The following STAMBPL1 variants were observed in gnomAD, a reference collection of about 807,000 sequenced individuals.
STAMBPL1 encodes AMSH-like protease.
A neutral mutation model predicts 52.9 loss-of-function variants in STAMBPL1; 44 were observed. The observed-to-expected ratio is 0.83, with a 90% CI of 0.65 to 1.07. The LOEUF is 1.07. Among genes scored for constraint, STAMBPL1 ranks in the 50% least tolerant of loss-of-function variants. The pLI, the probability that STAMBPL1 is intolerant of heterozygous loss-of-function variation, is 0.00. For missense variants in STAMBPL1, 511 were observed against 520.8 expected (o/e 0.98, Z 0.18); for synonymous variants, 164 against 177.3 (o/e 0.92, Z 0.60).
chr10:88,918,930 A>G (rs1845438347), intron 8 of STAMBPL1, among the ~76,000 whole-genome samples: 1 of 152,198 alleles, frequency 6.6e-6, no homozygotes, highest in South Asian at 2.1e-4. Context: ...TAATTCTTGA[A>G]TTTTAGGACT....
At chr10:88,908,304 A>G (rs1327483078) in intron 3 of STAMBPL1, among the ~76,000 whole-genome samples, 5 of 152,060 alleles carry the variant, frequency 3.3e-5, no homozygotes, top group African/African-American at 4.8e-5. Context: ...TGGTCGTTTG[A>G]GTTTTTTTCA....
intron 1 of STAMBPL1, among the ~76,000 whole-genome samples, chr10:88,888,674 G>T (rs1844604165): frequency 6.6e-6 from 1 of 152,156 alleles, no homozygotes; most frequent in Non-Finnish European, 1.5e-5. Flanking sequence ...CCTTAATATT[G>T]TGAGGCAAGG....
In STAMBPL1 at chr10:88,901,740, T is replaced by C; in HGVS notation, c.30+2T>C. 2 of 1,612,398 alleles carry C rather than the reference T, an allele frequency of 1.2e-6. No individual in the cohort carries two copies. Among genetic ancestry groups the C allele is most frequent in the Non-Finnish European group, 1.7e-6 (2 of 1,179,266 alleles). On this transcript the variant is annotated splice_donor_variant, in intron 2 of 10. Coordinates refer to ENST00000371926, the MANE Select transcript of STAMBPL1 (RefSeq NM_020799.4). LOFTEE classifies it high-confidence loss of function. Reference sequence around the variant, plus strand: ...CAGCCTTTTACTGTGAATTCTCTGGTAGGTCACACCAGCTGATATCTAACA... The same window carrying C: ...CAGCCTTTTACTGTGAATTCTCTGGCAGGTCACACCAGCTGATATCTAACA...
intron 1 of STAMBPL1, among the ~76,000 whole-genome samples, chr10:88,888,995 T>A (rs1844610473): frequency 6.6e-6 from 1 of 152,208 alleles, no homozygotes; most frequent in South Asian, 2.1e-4. Flanking sequence ...CCAGTATACT[T>A]AATGAATACA....
intron 1 of STAMBPL1, among the ~76,000 whole-genome samples, chr10:88,885,941 G>A (rs1207403303): frequency 6.6e-6 from 1 of 152,140 alleles, no homozygotes; most frequent in South Asian, 2.1e-4. Context: ...TCTATAGCTA[G>A]TATTGTGTTG....
At chr10:88,888,837 T>C (rs1385324570) in intron 1 of STAMBPL1, among the ~76,000 whole-genome samples, 8 of 152,188 alleles carry the variant, frequency 5.3e-5, no homozygotes, top group African/African-American at 1.9e-4. Context: ...AAGTATAATT[T>C]GTCTGATTAC....
chr10:88,912,973 A>T (rs1845264654), intron 5 of STAMBPL1, 128 bp from the exon 6 acceptor site: 3 of 775,628 alleles, frequency 3.9e-6, no homozygotes, highest in Admixed American at 4.7e-5. Context: ...CTGTTCCATG[A>T]GTGTCCCTGT....
At chr10:88,888,459 G>A (rs929781531) in intron 1 of STAMBPL1, among the ~76,000 whole-genome samples, 1 of 152,188 alleles carries the variant, frequency 6.6e-6, no homozygotes, top group South Asian at 2.1e-4. Context: ...ACAAGGGTGA[G>A]GACTTGGGGC....
intron 5 of STAMBPL1, among the ~76,000 whole-genome samples, chr10:88,911,884 G>A (rs891565440): frequency 9.9e-5 from 15 of 152,126 alleles, no homozygotes; most frequent in Admixed American, 7.9e-4. Flanking sequence ...TTCTTGGAGG[G>A]TAAGACAAAG....
intron 1 of STAMBPL1, among the ~76,000 whole-genome samples, chr10:88,889,421 T>C (rs1844622126): frequency 1.3e-5 from 2 of 152,194 alleles, no homozygotes; most frequent in Admixed American, 1.3e-4. Flanking sequence ...AATTTAGATG[T>C]TTATTTCTTG....
intron 1 of STAMBPL1, among the ~76,000 whole-genome samples, chr10:88,896,861 C>T (rs771528762): frequency 1.3e-5 from 2 of 151,724 alleles, no homozygotes; most frequent in Non-Finnish European, 1.5e-5. Context: ...CATGCACGCA[C>T]GCACACACAC....
intron 8 of STAMBPL1, 28 bp downstream of exon 8, chr10:88,916,845 T>C: frequency 4.6e-6 from 7 of 1,506,628 alleles, no homozygotes; most frequent in Non-Finnish European, 6.2e-6. Flanking sequence ...GGTTTCAGTT[T>C]TTTTGTGTGT....
At chr10:88,916,842 G>GT (rs1397714052) in intron 8 of STAMBPL1, 25 bp downstream of exon 8, 4 of 1,507,196 alleles carry the variant, frequency 2.7e-6, no homozygotes, top group Admixed American at 4.2e-5. Flanking sequence ...TTGGGTTTCA[G>GT]TTTTTTTGTG....
Position 88,916,791 on chromosome 10 carries a change from G to C in STAMBPL1, c.1015G>C (p.Asp339His), listed in dbSNP as rs1157844454. The C allele has an allele frequency of 6.2e-7, 1 of 1,608,784 alleles. No homozygotes were observed. Residue 339 changes from aspartate (D) to histidine (H), a missense_variant, in exon 8 of 11, where the codon GAT (aspartate) becomes CAT (histidine). Transcript: ENST00000371926. Reference sequence around the variant, plus strand: ...ATTATTCAATGTTCAGGATCAACATGATCTCCTCACTCTAGGATGGATCCA... The same window carrying C: ...ATTATTCAATGTTCAGGATCAACATCATCTCCTCACTCTAGGATGGATCCA... ...EELFNVQDQH[D>H]LLTLGWIHTH...
chr10:88,910,937 C>T lies in STAMBPL1; in HGVS notation c.346C>T (p.Pro116Ser). The T allele has an allele frequency of 6.3e-7, 1 of 1,592,752 alleles. No homozygotes were observed. Among genetic ancestry groups the T allele is most frequent in the Non-Finnish European group, 8.5e-7 (1 of 1,173,158 alleles). The stretch of plus-strand genomic sequence containing the variant: ...AAAGAAACTGAAGGAGATTGCATTC[C>T]CAAGGACAGATGAATTGAAAAACGA... Reference protein sequence around the residue: ...IMKKLKEIAFPRTDELKNDLL... With the variant: ...IMKKLKEIAFSRTDELKNDLL... Residue 116 changes from proline to serine, a missense_variant, in exon 5 of 11, where the codon CCA becomes TCA. Pro to Ser is a moderately conservative substitution (Grantham distance 74, BLOSUM62 -1). Transcript: ENST00000371926.
At chr10:88,904,202 C>A (rs891241934) in intron 2 of STAMBPL1, among the ~76,000 whole-genome samples, 3 of 152,174 alleles carry the variant, frequency 2.0e-5, no homozygotes, top group Non-Finnish European at 4.4e-5. Flanking sequence ...TAACTCTGTT[C>A]TGGGAGCATC....
rs373549810 is a variant in STAMBPL1, at chr10:88,898,755, G to A, written c.-53-2901G>A. Reference sequence around the variant, plus strand: ...GTTTCATTGTTTCTGCTCACACTTAGCATTGTTTTCTGGTCACCCAGCCCT... The same window carrying A: ...GTTTCATTGTTTCTGCTCACACTTAACATTGTTTTCTGGTCACCCAGCCCT... On this transcript the variant is annotated intron_variant, in intron 1 of 10. Coordinates refer to ENST00000371926, the MANE Select transcript of STAMBPL1 (RefSeq NM_020799.4). Among the ~76,000 whole-genome samples the A allele has an allele frequency of 5.6e-4, 85 of 152,252 alleles. 2 individuals are homozygous for A. The South Asian group carries it at 0.016, about 29-fold the overall frequency.
chr10:88,905,596 G>C lies in STAMBPL1; in HGVS notation c.184G>C (p.Ala62Pro). Reference sequence around the variant, plus strand: ...GTCTGGAGTAGAGATGGAGAGGATGGCGTCTGTGTATTTGGAAGAAGGAAA... The same window carrying C: ...GTCTGGAGTAGAGATGGAGAGGATGCCGTCTGTGTATTTGGAAGAAGGAAA... ...FRSGVEMERMASVYLEEGNLE... is the reference protein window; with the variant it reads ...FRSGVEMERMPSVYLEEGNLE... The change falls in exon 3 of 11, where the codon GCG becomes CCG. Residue 62 changes from alanine to proline, a missense_variant. Transcript: ENST00000371926. 1 of 1,614,120 alleles carries C rather than the reference G, an allele frequency of 6.2e-7. No homozygotes were observed. The highest frequency in any genetic ancestry group is 8.5e-7 in the Non-Finnish European group (1 of 1,180,000).
chr10:88,917,529 A>G (rs1845401366), intron 8 of STAMBPL1, among the ~76,000 whole-genome samples: 1 of 151,540 alleles, frequency 6.6e-6, no homozygotes, highest in Non-Finnish European at 1.5e-5. Flanking sequence ...TTTATCATCC[A>G]TAAAGTGGAG....
Sources: gnomAD v4.1 joint callset for allele counts (sites outside exome capture counted in the v4.1 genomes callset) on GRCh38, gnomAD v4.1.1 for gene constraint, MANE v1.5 for transcripts, NCBI Gene and HGNC (gene_info 2026-07-23, HGNC 2026-07-21) for gene names.